XKR5: variants seen among roughly 807,000 people sequenced by gnomAD.
XKR5 encodes XK-related protein 5.
XKR5 carries 46 observed loss-of-function variants against 40.8 expected under a neutral mutation model. That is an observed-to-expected ratio of 1.13 (90% confidence interval 0.89 to 1.44). The LOEUF (loss-of-function observed/expected upper bound fraction) is 1.44. Ranked by LOEUF, XKR5 falls within the 40% of genes most tolerant of loss-of-function variation. The probability of loss-of-function intolerance (pLI) is 0.00; values close to 1 mark genes in which losing one functional copy is unlikely to be tolerated. For missense variants in XKR5, 1,169 were observed against 844.7 expected, an observed-to-expected ratio of 1.38 and a Z score of -4.76; for synonymous variants, 466 against 356.1, an observed-to-expected ratio of 1.31 and a Z score of -3.48.
Position 6,825,326 on chromosome 8 carries a change from C to A in XKR5, c.266G>T (p.Ser89Ile). 6.3e-7 allele frequency: 1 copy of A among 1,591,940 alleles called. No homozygotes were observed. Among genetic ancestry groups the A allele is most frequent in the Non-Finnish European group, 8.5e-7 (1 of 1,171,272 alleles). The change falls in exon 3 of 7, where the codon AGT (serine) becomes ATT (isoleucine). Residue 89 changes from serine (S) to isoleucine (I), a missense_variant. Ser to Ile is a moderately radical substitution (Grantham distance 142). Transcript: ENST00000618742. ...WKRHWDAALT[S>I]LQKELEAPHR... ...GGGAGCCTCCAGTTCCTTCTGCAGA[C>A]TGGTCAGTGCAGCGTCCCAGTGCCT...
At chr8:6,818,306 GT>G (rs989242891) in intron 5 of XKR5, among the ~76,000 whole-genome samples, 1 of 152,176 alleles carries the variant, frequency 6.6e-6, no homozygotes, top group Non-Finnish European at 1.5e-5. Context: ...CATCGTGCAG[GT>G]CCCCTCTGTA....
At chr8:6,835,149 G>A (rs1291453832) in intron 1 of XKR5, among the ~76,000 whole-genome samples, 4 of 151,112 alleles carry the variant, frequency 2.6e-5, no homozygotes, top group African/African-American at 7.3e-5. Flanking sequence ...CGGGGGGATC[G>A]TGCATGGGCG....
chr8:6,825,118 C>G lies in XKR5; in HGVS notation c.427+47G>C, dbSNP rs76236028. ...GCTAAACAGGCTCACATTCCTGTCC[C>G]CCTTCGGCAGTCAGACAGTCTGTGC... On this transcript the variant is annotated intron_variant, in intron 3 of 6. Transcript: ENST00000618742. The G allele has an allele frequency of 3.9e-3, 6,200 of 1,605,166 alleles. 200 individuals are homozygous for G. The African/African-American group carries it at 0.07, about 18-fold the overall frequency.
chr8:6,825,973 C>T (rs1049602940), intron 2 of XKR5, among the ~76,000 whole-genome samples: 1 of 152,064 alleles, frequency 6.6e-6, no homozygotes, highest in Non-Finnish European at 1.5e-5. Context: ...GGGCCCTGAA[C>T]TTCAGGCTAT....
At chr8:6,821,268 T>C (rs1183943996) in intron 5 of XKR5, among the ~76,000 whole-genome samples, 1 of 152,254 alleles carries the variant, frequency 6.6e-6, no homozygotes, top group Non-Finnish European at 1.5e-5. Context: ...CAAAAGTGTC[T>C]GTGGTCATCC....
At chr8:6,823,123 C>T (rs1282731676) in intron 4 of XKR5, among the ~76,000 whole-genome samples, 4 of 152,160 alleles carry the variant, frequency 2.6e-5, no homozygotes, top group African/African-American at 9.7e-5. Flanking sequence ...AGACAGCCAG[C>T]ACGCGTTCCT....
Position 6,811,132 on chromosome 8 carries a change from T to G in XKR5, c.*66A>C. ...CACAGGTGTCAGAAGTGGGATTTCC[T>G]TTCTCACGGTACCAAATGGCCAGCT... On this transcript the variant is annotated 3_prime_UTR_variant, in exon 7 of 7. Transcript: ENST00000618742. 1.4e-6 allele frequency: 2 copies of G among 1,446,288 alleles called. No individual in the cohort carries two copies. The highest frequency in any genetic ancestry group is 1.4e-5 in the African/African-American group (1 of 70,720). The allele number at this position is 1,446,288 out of a possible 1,614,324, so 89.6% of individuals were successfully genotyped here.
intron 6 of XKR5, among the ~76,000 whole-genome samples, chr8:6,814,059 C>A (rs527549850): frequency 2.0e-5 from 3 of 152,280 alleles, no homozygotes; most frequent in Admixed American, 6.5e-5. Flanking sequence ...ATGGCCCCTC[C>A]CTGAAGGAAG....
chr8:6,814,898 T>A (rs972056705), intron 6 of XKR5, among the ~76,000 whole-genome samples: 4 of 152,102 alleles, frequency 2.6e-5, no homozygotes, highest in African/African-American at 9.7e-5. Flanking sequence ...TCCAGGCCAC[T>A]CACACAGGCC....
intron 6 of XKR5, among the ~76,000 whole-genome samples, chr8:6,813,570 C>A (rs1030002721): frequency 6.6e-6 from 1 of 152,200 alleles, no homozygotes; most frequent in Non-Finnish European, 1.5e-5. Context: ...GCTCCTTGGA[C>A]TACAATTTGG....
intron 5 of XKR5, among the ~76,000 whole-genome samples, chr8:6,818,018 C>T (rs1293094981): frequency 1.3e-5 from 2 of 152,200 alleles, no homozygotes; most frequent in African/African-American, 2.4e-5. Flanking sequence ...CTCCTCCTTC[C>T]TCCCTTTTTC....
intron 2 of XKR5, chr8:6,829,389 T>C (rs151024340): frequency 1.8e-5 from 3 of 167,110 alleles, no homozygotes; most frequent in African/African-American, 7.2e-5. Context: ...AAAGTAATGG[T>C]CTTTGTTTAA....
At chr8:6,834,720 C>G (rs1563367805) in intron 1 of XKR5, among the ~76,000 whole-genome samples, 1 of 152,196 alleles carries the variant, frequency 6.6e-6, no homozygotes, top group Non-Finnish European at 1.5e-5. Flanking sequence ...CGCAGGGAGC[C>G]CGGCGGAAGT....
At chr8:6,819,130 C>A (rs1227683389) in intron 5 of XKR5, among the ~76,000 whole-genome samples, 3 of 152,236 alleles carry the variant, frequency 2.0e-5, no homozygotes, top group Admixed American at 6.5e-5. Context: ...GGAATAGGCT[C>A]AACATAGCTG....
chr8:6,823,456 A>G (rs1804327885), intron 4 of XKR5, 65 bp downstream of exon 4: 2 of 1,498,976 alleles, frequency 1.3e-6, no homozygotes, highest in Non-Finnish European at 9.1e-7. Flanking sequence ...GTTATTCTTG[A>G]GACCTTCATT....
At chr8:6,830,750 C>T (rs375611270) in intron 2 of XKR5, among the ~76,000 whole-genome samples, 44 of 152,276 alleles carry the variant, frequency 2.9e-4, no homozygotes, top group African/African-American at 9.9e-4. Context: ...TATCTCTTCA[C>T]TTATCTATAT....
intron 1 of XKR5, among the ~76,000 whole-genome samples, chr8:6,834,347 C>T (rs989029744): frequency 2.6e-5 from 4 of 152,232 alleles, no homozygotes; most frequent in South Asian, 4.1e-4. Flanking sequence ...CGGGCTCAGG[C>T]AGCCCTTAGC....
rs534712968 is a variant in XKR5 at position 6,811,409 on chromosome 8, G to C, written c.1850C>G (p.Pro617Arg). 50 of 1,537,254 alleles carry C rather than the reference G, an allele frequency of 3.3e-5. No homozygotes were observed. In the African/African-American group the frequency reaches 6.1e-4, roughly 19 times the overall value. The change falls in exon 7 of 7, where the codon CCT becomes CGT. Residue 617 changes from proline to arginine, a missense_variant. Physicochemically the swap from Pro to Arg is moderately radical, Grantham distance 103. Transcript: ENST00000618742. ...CTCTGAGATACTGAGGGTTCTTCCAGGGAAGCCTGCACTGGGGCAGAAGCC... is the reference window on the plus strand; with the variant it reads ...CTCTGAGATACTGAGGGTTCTTCCACGGAAGCCTGCACTGGGGCAGAAGCC... The part of the protein sequence containing the change: ...CRGFCPSAGF[P>R]GRTLSISELE...
chr8:6,812,482 C>T (rs1318751165), intron 6 of XKR5, 143 bp from the exon 7 acceptor site: 11 of 820,514 alleles, frequency 1.3e-5, no homozygotes, highest in African/African-American at 3.4e-5. Context: ...AGCCTCAGAA[C>T]TGGATATTTC....
Sources: allele counts gnomAD v4.1 joint callset (sites outside exome capture counted in the v4.1 genomes callset), GRCh38; gene constraint gnomAD v4.1.1; transcripts MANE v1.5; gene names NCBI Gene and HGNC (gene_info 2026-07-23, HGNC 2026-07-21).